The following RBKS variants were observed in gnomAD, a reference collection of about 807,000 sequenced individuals.
RBKS encodes ribokinase.
In RBKS, 33 loss-of-function variants were observed where a neutral mutation model predicts 33.9. The observed-to-expected ratio is 0.97, with a 90% CI of 0.74 to 1.30. The LOEUF is 1.30. Among genes scored for constraint, RBKS ranks in the 50% most tolerant of loss-of-function variants. The pLI, the probability that RBKS is intolerant of heterozygous loss-of-function variation, is 0.00. For synonymous variants in RBKS, 125 were observed against 143.0 expected, an observed-to-expected ratio of 0.87 and a Z score of 0.90; for missense variants, 361 against 392.6, an observed-to-expected ratio of 0.92 and a Z score of 0.68.
At chr2:27,845,644 G>T (rs901683151) in intron 4 of RBKS, among the ~76,000 whole-genome samples, 4 of 152,196 alleles carry the variant, frequency 2.6e-5, no homozygotes, top group African/African-American at 9.7e-5. Context: ...TCTATAGTTA[G>T]AATGCAAACT....
At chr2:27,798,625 C>T (rs1466095849) in intron 7 of RBKS, among the ~76,000 whole-genome samples, 1 of 152,170 alleles carries the variant, frequency 6.6e-6, no homozygotes, top group Admixed American at 6.5e-5. Context: ...TGGACCCTTC[C>T]AGCCCATCCT....
At chr2:27,828,051 T>C (rs1476472913) in intron 6 of RBKS, among the ~76,000 whole-genome samples, 1 of 152,214 alleles carries the variant, frequency 6.6e-6, no homozygotes, top group Non-Finnish European at 1.5e-5. Flanking sequence ...TGTTTCCTCT[T>C]AGGAGATGTA....
chr2:27,876,956 T>G (rs1462995678), intron 1 of RBKS, among the ~76,000 whole-genome samples: 1 of 152,154 alleles, frequency 6.6e-6, no homozygotes, highest in African/African-American at 2.4e-5. Flanking sequence ...TTGAACACTT[T>G]GTCTCTTGCA....
chr2:27,823,500 G>T (rs1179482211), intron 7 of RBKS, among the ~76,000 whole-genome samples: 1 of 152,090 alleles, frequency 6.6e-6, no homozygotes, highest in Non-Finnish European at 1.5e-5. Flanking sequence ...GTTACAAACC[G>T]ACTGAGAGCA....
At chr2:27,839,094 C>G (rs1346102010) in intron 5 of RBKS, among the ~76,000 whole-genome samples, 1 of 152,148 alleles carries the variant, frequency 6.6e-6, no homozygotes, top group African/African-American at 2.4e-5. Context: ...ACTCAAAATA[C>G]TGGCTTTGCT....
rs1664695210 is a variant in RBKS at position 27,890,150 on chromosome 2, C to CACT, written c.89+104_89+106dup. On this transcript the variant is annotated intron_variant, in intron 1 of 7. Transcript: ENST00000302188. This position sits in a 1 kb window ranked among gnomAD's most constrained non-coding sequence, Gnocchi z 4.8. Reference sequence around the variant, plus strand: ...ACCTGCAGCTCATACCCAAAGCTAGCACTGTCTATCCCTGGAGACCCAGCG... The same window carrying CACT: ...ACCTGCAGCTCATACCCAAAGCTAGCACTACTGTCTATCCCTGGAGACCCAGCG... The CACT allele has an allele frequency of 1.0e-6, 1 of 980,450 alleles. No individual in the cohort carries two copies. Among genetic ancestry groups the CACT allele is most frequent in the African/African-American group, 1.6e-5 (1 of 62,020 alleles). 60.7% of individuals were successfully genotyped at this position (980,450 alleles called of 1,614,324 possible).
At chr2:27,792,296 A>G (rs1380281144) in intron 7 of RBKS, among the ~76,000 whole-genome samples, 1 of 152,214 alleles carries the variant, frequency 6.6e-6, no homozygotes, top group East Asian at 1.9e-4. Context: ...ACCACTTACT[A>G]GCTTTATGAC....
chr2:27,820,955 G>A (rs962558783), intron 7 of RBKS, among the ~76,000 whole-genome samples: 27 of 147,050 alleles, frequency 1.8e-4, no homozygotes, highest in African/African-American at 6.9e-4. Flanking sequence ...CAGGAGAATC[G>A]CTTGAACCGG....
chr2:27,839,473 G>A (rs960766903), intron 5 of RBKS, among the ~76,000 whole-genome samples: 10 of 152,100 alleles, frequency 6.6e-5, no homozygotes, highest in South Asian at 2.1e-4. Flanking sequence ...CAGGGCTACC[G>A]ATTTTTGGTG....
chr2:27,838,477 A>G (rs887466639), intron 5 of RBKS, among the ~76,000 whole-genome samples: 1 of 152,250 alleles, frequency 6.6e-6, no homozygotes, highest in African/African-American at 2.4e-5. Context: ...AATACTGTAT[A>G]AAAATCAACC....
At chr2:27,827,240 A>T (rs1558542956) in intron 7 of RBKS, among the ~76,000 whole-genome samples, 1 of 152,212 alleles carries the variant, frequency 6.6e-6, no homozygotes, top group Non-Finnish European at 1.5e-5. Flanking sequence ...TATGACTGGG[A>T]CATGATAGGT....
Position 27,837,494 on chromosome 2 carries a change from C to T in RBKS, c.515-4717G>A, listed in dbSNP as rs1407143831. Among the ~76,000 whole-genome samples the T allele has an allele frequency of 2.0e-5, 3 of 152,138 alleles. No homozygotes were observed. The highest frequency in any genetic ancestry group is 4.4e-5 in the Non-Finnish European group (3 of 68,034). On this transcript the variant is annotated intron_variant, in intron 5 of 7. Transcript: ENST00000302188. The surrounding 1 kb of genome is among the most constrained non-coding windows in gnomAD (Gnocchi z 4.0). Reference sequence around the variant, plus strand: ...TGCCTGGTACACACCCAAAGGAAAACAGATCATTATACCTAAAGGAAACAT... The same window carrying T: ...TGCCTGGTACACACCCAAAGGAAAATAGATCATTATACCTAAAGGAAACAT...
At chr2:27,803,334 C>G (rs1234667108) in intron 7 of RBKS, among the ~76,000 whole-genome samples, 1 of 152,146 alleles carries the variant, frequency 6.6e-6, no homozygotes, top group African/African-American at 2.4e-5. Context: ...GGGAACATGA[C>G]AAACCATTAT....
intron 1 of RBKS, among the ~76,000 whole-genome samples, chr2:27,871,161 G>A (rs996000527): frequency 6.6e-6 from 1 of 152,160 alleles, no homozygotes; most frequent in Non-Finnish European, 1.5e-5. Context: ...GGACTTCTTA[G>A]CTTTAGCAAT....
chr2:27,860,933 G>GT (rs1410858528), intron 1 of RBKS, among the ~76,000 whole-genome samples: 4 of 151,774 alleles, frequency 2.6e-5, no homozygotes, highest in African/African-American at 7.2e-5. Flanking sequence ...ACAGATTTTT[G>GT]TAAGAGTCTC....
intron 1 of RBKS, among the ~76,000 whole-genome samples, chr2:27,867,399 CAG>C (rs1472461608): frequency 6.6e-6 from 1 of 152,098 alleles, no homozygotes; most frequent in Admixed American, 6.6e-5. Flanking sequence ...CTATGTATGA[CAG>C]AGGCCCAAGG....
intron 4 of RBKS, among the ~76,000 whole-genome samples, chr2:27,844,260 T>C (rs1553378620): frequency 9.2e-6 from 1 of 108,654 alleles, no homozygotes; most frequent in Non-Finnish European, 1.7e-5. Flanking sequence ...AGACTCTGTC[T>C]CAGAAAAAAA....
intron 1 of RBKS, among the ~76,000 whole-genome samples, chr2:27,871,318 G>A (rs1184451052): frequency 2.6e-5 from 4 of 152,220 alleles, no homozygotes; most frequent in African/African-American, 9.6e-5. Flanking sequence ...AATGCGAGGT[G>A]CTTGGTCTCC....
chr2:27,841,032 A>T (rs193196680), intron 5 of RBKS, among the ~76,000 whole-genome samples: 106 of 152,220 alleles, frequency 7.0e-4, no homozygotes, highest in African/African-American at 2.3e-3. Flanking sequence ...GCTCTTAATA[A>T]AAGTGTGAAG....
Sources: allele counts gnomAD v4.1 joint callset (sites outside exome capture counted in the v4.1 genomes callset), GRCh38; gene constraint gnomAD v4.1.1; non-coding constraint Gnocchi (gnomAD v3.1); transcripts MANE v1.5; gene names NCBI Gene and HGNC (gene_info 2026-07-23, HGNC 2026-07-21).